The following COL14A1 variants were observed in gnomAD, a reference collection of about 807,000 sequenced individuals.
COL14A1 encodes collagen alpha-1(XIV) chain.
A neutral mutation model predicts 230.3 loss-of-function variants in COL14A1; 136 were observed. The observed-to-expected ratio is 0.59, with a 90% CI of 0.51 to 0.68. The LOEUF (loss-of-function observed/expected upper bound fraction) is 0.68, where lower values mean the gene tolerates loss of function less well. Ranked by LOEUF, COL14A1 falls within the 30% of genes least tolerant of loss-of-function variation. COL14A1 has a pLI of 0.00. For missense variants in COL14A1, 1,976 were observed against 2,215.8 expected, an observed-to-expected ratio of 0.89 and a Z score of 2.17; for synonymous variants, 792 against 784.1, an observed-to-expected ratio of 1.01 and a Z score of -0.17.
chr8:120,277,921 T>A, intron 26 of COL14A1, 190 bp from the exon 27 acceptor site: 1 of 430,904 alleles, frequency 2.3e-6, no homozygotes, highest in Non-Finnish European at 3.9e-6. Flanking sequence ...ATAAAATTTT[T>A]AAAAAAGAAA....
chr8:120,225,282 GAGCACCTTC>G, intron 15 of COL14A1, 68 bp downstream of exon 15: 1 of 1,336,758 alleles, frequency 7.5e-7, no homozygotes, highest in Non-Finnish European at 1.0e-6. Context: ...CCAGAACCTG[GAGCACCTTC>G]TTTATTTGTG....
At chr8:120,296,640 A>G (rs1333521101) in intron 34 of COL14A1, among the ~76,000 whole-genome samples, 1 of 151,984 alleles carries the variant, frequency 6.6e-6, no homozygotes, top group Non-Finnish European at 1.5e-5. Context: ...TAATATTTGA[A>G]AATAATGTAG....
intron 47 of COL14A1, chr8:120,370,395 T>C: frequency 6.2e-7 from 1 of 1,610,498 alleles, no homozygotes; most frequent in Non-Finnish European, 8.5e-7. Flanking sequence ...CTGGTTCCAT[T>C]GGCCCCAGAC....
intron 23 of COL14A1, among the ~76,000 whole-genome samples, chr8:120,261,605 C>T (rs773465521): frequency 1.4e-4 from 22 of 152,084 alleles, no homozygotes; most frequent in Non-Finnish European, 1.5e-4. Flanking sequence ...AACAAAGAAA[C>T]GAGCCAATAG....
intron 9 of COL14A1, among the ~76,000 whole-genome samples, chr8:120,205,871 G>T (rs1817414374): frequency 6.6e-6 from 1 of 152,160 alleles, no homozygotes. Context: ...CTCTTAAAGG[G>T]TGAGAAATTC....
At chr8:120,303,288 G>C (rs919736235) in intron 36 of COL14A1, among the ~76,000 whole-genome samples, 1 of 152,134 alleles carries the variant, frequency 6.6e-6, no homozygotes, top group Admixed American at 6.5e-5. Context: ...AATAGGAGTG[G>C]TGAGAGAGAA....
chr8:120,166,898 G>A (rs967657678), intron 4 of COL14A1, among the ~76,000 whole-genome samples: 1 of 149,426 alleles, frequency 6.7e-6, no homozygotes. Flanking sequence ...GTGTGTGTGT[G>A]TGTGTGTGTG....
At position 120,158,240 on chromosome 8, in the gene COL14A1, A is replaced by G; in HGVS notation, c.199A>G (p.Thr67Ala). ...FGGYKLLVTP[T>A]SGGKTNQLNL... ...TGGTTACAAACTTCTTGTGACTCCAACTTCAGGTAAAAACAATTGACTTTG... is the reference window on the plus strand; with the variant it reads ...TGGTTACAAACTTCTTGTGACTCCAGCTTCAGGTAAAAACAATTGACTTTG... The change falls in exon 3 of 48, where the codon ACT (threonine) becomes GCT (alanine). Residue 67 changes from threonine to alanine, a missense_variant. Coordinates refer to ENST00000297848, the MANE Select transcript of COL14A1 (RefSeq NM_021110.4). 1.3e-6 allele frequency: 2 copies of G among 1,567,326 alleles called. No homozygotes were observed. The highest frequency in any genetic ancestry group is 1.7e-5 in the Admixed American group (1 of 59,354).
chr8:120,366,966 A>G (rs1823423583), intron 45 of COL14A1, among the ~76,000 whole-genome samples: 1 of 152,192 alleles, frequency 6.6e-6, no homozygotes, highest in Non-Finnish European at 1.5e-5. Context: ...CACACACTCA[A>G]ATACAGAACC....
rs1364682538 is a variant in COL14A1, at chr8:120,208,346, G to A, written c.1306G>A (p.Gly436Arg). 1.2e-6 allele frequency: 2 copies of A among 1,612,590 alleles called. No individual in the cohort carries two copies. Among genetic ancestry groups the A allele is most frequent in the African/African-American group, 2.7e-5 (2 of 74,874 alleles). Reference protein sequence around the residue: ...YAHTASEGLRGTETTLALPMA... With the variant: ...YAHTASEGLRRTETTLALPMA... The stretch of plus-strand genomic sequence containing the variant: ...CCACACTGCTAGTGAAGGCCTACGG[G>A]GAACTGAAACTACACGTATGTATTT... The change falls in exon 11 of 48, where the codon GGA becomes AGA. Residue 436 changes from glycine to arginine, a missense_variant. Gly to Arg is a moderately radical substitution (Grantham distance 125). Coordinates refer to ENST00000297848, the MANE Select transcript of COL14A1 (RefSeq NM_021110.4).
At chr8:120,294,739 G>T (rs1045471858) in intron 34 of COL14A1, among the ~76,000 whole-genome samples, 1 of 151,420 alleles carries the variant, frequency 6.6e-6, no homozygotes, top group African/African-American at 2.4e-5. Flanking sequence ...CCTAAATAAA[G>T]GCTGAGGAAT....
intron 5 of COL14A1, among the ~76,000 whole-genome samples, chr8:120,193,626 T>G (rs982612362): frequency 4.8e-4 from 73 of 152,324 alleles, no homozygotes; most frequent in Non-Finnish European, 1.5e-5. Context: ...GCTGTCTTTT[T>G]GTTTGTCTGT....
chr8:120,185,541 C>T (rs1816624508), intron 5 of COL14A1, among the ~76,000 whole-genome samples: 1 of 151,950 alleles, frequency 6.6e-6, no homozygotes, highest in Non-Finnish European at 1.5e-5. Flanking sequence ...GTGATGTGTG[C>T]CTATTGTTCC....
At chr8:120,232,895 G>A (rs1161952816) in intron 19 of COL14A1, among the ~76,000 whole-genome samples, 1 of 152,256 alleles carries the variant, frequency 6.6e-6, no homozygotes, top group Non-Finnish European at 1.5e-5. Context: ...GTGTAAAAGT[G>A]TTCCTATTTC....
At chr8:120,284,709 G>A (rs1331628990) in intron 32 of COL14A1, among the ~76,000 whole-genome samples, 5 of 152,134 alleles carry the variant, frequency 3.3e-5, no homozygotes, top group Admixed American at 3.3e-4. Flanking sequence ...GATTGAAAGG[G>A]TATATGTTAC....
At chr8:120,231,437 T>G (rs750232244) in intron 18 of COL14A1, 30 bp from the exon 19 acceptor site, 1 of 1,606,370 alleles carries the variant, frequency 6.2e-7, no homozygotes, top group Non-Finnish European at 8.5e-7. Context: ...ATGTTAAAAG[T>G]TTTTTAATCC....
At chr8:120,128,346 T>C (rs993045715) in intron 1 of COL14A1, among the ~76,000 whole-genome samples, 1 of 152,116 alleles carries the variant, frequency 6.6e-6, no homozygotes, top group Non-Finnish European at 1.5e-5. Context: ...TCCCAGTTAC[T>C]TGGGGAAGAA....
In COL14A1 at chr8:120,345,550, C is replaced by A. The variant is rs1041803873; in HGVS notation, c.5064C>A (p.Thr1688=). The change falls in exon 45 of 48, where the codon ACC becomes ACA. Residue 1688 remains threonine, a synonymous_variant. Coordinates refer to ENST00000297848, the MANE Select transcript of COL14A1 (RefSeq NM_021110.4). ...CCGGAAATGCAGGCGTGCCAGGGAC[C>A]CCAGGAGAACGAGGTAAGCTGGGCC... ...GFPGNAGVPG[T]PGERGLTGIK... 2 of 1,549,854 alleles carry A rather than the reference C, an allele frequency of 1.3e-6. No homozygotes were observed. The highest frequency in any genetic ancestry group is 2.4e-5 in the East Asian group (1 of 41,690).
chr8:120,367,232 C>G lies in COL14A1; in HGVS notation c.5139C>G (p.Gly1713=). Reference sequence around the variant, plus strand: ...GCGTTGGAACCCAAGGTCCAAGAGGCCCCCCTGGACCAGCAGGTAAATCTT... The same window carrying G: ...GCGTTGGAACCCAAGGTCCAAGAGGGCCCCCTGGACCAGCAGGTAAATCTT... ...NPGVGTQGPR[G]PPGPAGPSGE... The change falls in exon 46 of 48, where the codon GGC becomes GGG. Residue 1713 remains glycine (G), a synonymous_variant. Transcript: ENST00000297848. 1 of 1,611,180 alleles carries G rather than the reference C, an allele frequency of 6.2e-7. No homozygotes were observed. The highest frequency in any genetic ancestry group is 8.5e-7 in the Non-Finnish European group (1 of 1,178,128).
Sources: allele counts gnomAD v4.1 joint callset (sites outside exome capture counted in the v4.1 genomes callset), GRCh38; gene constraint gnomAD v4.1.1; transcripts MANE v1.5; gene names NCBI Gene and HGNC (gene_info 2026-07-23, HGNC 2026-07-21).